KIAA1549L: variants seen among roughly 807,000 people sequenced by gnomAD.
The protein encoded by KIAA1549L is KIAA1549 like, also known as UPF0606 protein KIAA1549L.
A neutral mutation model predicts 160.7 loss-of-function variants in KIAA1549L; 88 were observed. That is an observed-to-expected ratio of 0.55 (90% confidence interval 0.46 to 0.65). The LOEUF is 0.65. Among genes scored for constraint, KIAA1549L ranks in the 30% least tolerant of loss-of-function variants. KIAA1549L has a pLI of 0.00. For missense variants in KIAA1549L, 2,258 were observed against 2,437.5 expected (o/e 0.93, Z 1.55); for synonymous variants, 950 against 976.7 (o/e 0.97, Z 0.51).
intron 1 of KIAA1549L, among the ~76,000 whole-genome samples, chr11:33,460,895 G>A (rs1851927989): frequency 6.6e-6 from 1 of 152,284 alleles, no homozygotes; most frequent in Admixed American, 6.5e-5. Context: ...TTTATAAGCT[G>A]AGCAAAACGT....
intron 16 of KIAA1549L, among the ~76,000 whole-genome samples, chr11:33,628,900 G>A (rs1203690494): frequency 6.6e-6 from 1 of 151,678 alleles, no homozygotes; most frequent in African/African-American, 2.4e-5. Flanking sequence ...TTACATTTTG[G>A]CATGATTTTG....
At chr11:33,396,306 G>C (rs1277975566) in intron 1 of KIAA1549L, among the ~76,000 whole-genome samples, 1 of 152,176 alleles carries the variant, frequency 6.6e-6, no homozygotes, top group African/African-American at 2.4e-5. Flanking sequence ...GATGCTGCCT[G>C]AATCCCTTTT....
chr11:33,499,667 A>G (rs1852899820), intron 1 of KIAA1549L, among the ~76,000 whole-genome samples: 1 of 152,058 alleles, frequency 6.6e-6, no homozygotes, highest in Non-Finnish European at 1.5e-5. Flanking sequence ...GAATTATCTC[A>G]CTTCCACGTC....
intron 1 of KIAA1549L, among the ~76,000 whole-genome samples, chr11:33,506,252 A>G (rs1328520867): frequency 6.6e-6 from 1 of 152,112 alleles, no homozygotes; most frequent in East Asian, 1.9e-4. Context: ...TTTAATGGGG[A>G]GGGGATGCCC....
At chr11:33,589,581 A>C (rs986753753) in intron 11 of KIAA1549L, among the ~76,000 whole-genome samples, 1 of 152,236 alleles carries the variant, frequency 6.6e-6, no homozygotes, top group African/African-American at 2.4e-5. Context: ...CTATGCAGCC[A>C]TAAAAAATGA....
Position 33,551,215 on chromosome 11 carries a change from C to T in KIAA1549L, c.3677C>T (p.Ser1226Phe), listed in dbSNP as rs141097183. 6.2e-6 allele frequency: 10 copies of T among 1,613,768 alleles called. No individual in the cohort carries two copies. Among genetic ancestry groups the T allele is most frequent in the Non-Finnish European group, 7.6e-6 (9 of 1,179,876 alleles). The change falls in exon 5 of 21, where the codon TCC (serine) becomes TTC (phenylalanine). Residue 1226 changes from serine to phenylalanine, a missense_variant. By Grantham distance (155) the Ser-to-Phe change is radical. Coordinates refer to ENST00000658780, the MANE Select transcript of KIAA1549L (RefSeq NM_012194.3). ...TTACAGTCTGTGGCAGTACTTGCCT[C>T]CCCATGGAATCCCCAGCCTGCAGGC... ...PHLQSVAVLA[S>F]PWNPQPAGYF...
In KIAA1549L at chr11:33,543,594, T is replaced by C; in HGVS notation, c.2031T>C (p.Asp677=). Residue 677 remains aspartate (D), a synonymous_variant, in exon 2 of 21, where the codon GAT becomes GAC. Coordinates refer to ENST00000658780, the MANE Select transcript of KIAA1549L (RefSeq NM_012194.3). The part of the protein sequence containing the change: ...KQVRASPSSM[D]VYDSLTIGDM... ...TGAGAGCATCGCCCTCCTCCATGGA[T>C]GTATATGATTCCTTAACAATAGGAG... 6.2e-7 allele frequency: 1 copy of C among 1,614,030 alleles called. No homozygotes were observed. Among genetic ancestry groups the C allele is most frequent in the Middle Eastern group, 1.6e-4 (1 of 6,062 alleles).
chr11:33,557,163 A>AT (rs1278933811), intron 6 of KIAA1549L, among the ~76,000 whole-genome samples: 2 of 151,632 alleles, frequency 1.3e-5, no homozygotes, highest in Non-Finnish European at 2.9e-5. Flanking sequence ...ATTTTTTTCT[A>AT]TTTTTTGTAG....
chr11:33,472,430 T>C (rs1311759140), intron 1 of KIAA1549L, among the ~76,000 whole-genome samples: 1 of 152,060 alleles, frequency 6.6e-6, no homozygotes, highest in Non-Finnish European at 1.5e-5. Flanking sequence ...CCTCTTCCTT[T>C]TAAGGACACT....
intron 1 of KIAA1549L, among the ~76,000 whole-genome samples, chr11:33,418,870 A>T (rs1850941253): frequency 6.9e-6 from 1 of 144,058 alleles, no homozygotes; most frequent in Admixed American, 6.8e-5. Flanking sequence ...TTATGTCAGT[A>T]TGTTGCATTC....
In KIAA1549L at chr11:33,543,974, CA is replaced by C; in HGVS notation, c.2413del (p.Ser805AlafsTer42). 6.2e-7 allele frequency: 1 copy of C among 1,614,012 alleles called. No individual in the cohort carries two copies. Among genetic ancestry groups the C allele is most frequent in the East Asian group, 2.2e-5 (1 of 44,888 alleles). On this transcript the variant is annotated frameshift_variant, in exon 2 of 21. Transcript: ENST00000658780. LOFTEE classifies it high-confidence loss of function. ...GGAAGCCATATAGACCTCTGGCCCACAAGCAATAACAACCATTCCAGAGACT... is the reference window on the plus strand; with the variant it reads ...GGAAGCCATATAGACCTCTGGCCCACAGCAATAACAACCATTCCAGAGACT... ...MVGSHIDLWP[T>X]SNNNHSRDFQ...
intron 17 of KIAA1549L, 85 bp downstream of exon 17, chr11:33,646,121 A>G (rs1256310586): frequency 9.6e-7 from 1 of 1,039,774 alleles, no homozygotes; most frequent in African/African-American, 1.6e-5. Flanking sequence ...AGGGGCTTCT[A>G]CAGATAAAAA....
At chr11:33,416,965 G>T (rs190718830) in intron 1 of KIAA1549L, among the ~76,000 whole-genome samples, 10 of 152,224 alleles carry the variant, frequency 6.6e-5, no homozygotes, top group African/African-American at 2.4e-4. Context: ...TGACATTAGA[G>T]GGGTCACAGA....
chr11:33,641,668 ACTGT>A (rs1345816072), intron 16 of KIAA1549L, among the ~76,000 whole-genome samples: 1 of 140,198 alleles, frequency 7.1e-6, no homozygotes, highest in Non-Finnish European at 1.6e-5. Context: ...ACGGAATCAA[ACTGT>A]CTGTGTTCAA....
intron 1 of KIAA1549L, among the ~76,000 whole-genome samples, chr11:33,503,563 A>G (rs1171891264): frequency 6.6e-6 from 1 of 152,210 alleles, no homozygotes; most frequent in East Asian, 1.9e-4. Context: ...TTTACAAAGG[A>G]ATTTACCTCA....
intron 1 of KIAA1549L, among the ~76,000 whole-genome samples, chr11:33,396,966 T>A (rs1411889611): frequency 1.4e-5 from 2 of 144,996 alleles, no homozygotes; most frequent in African/African-American, 5.0e-5. Context: ...AAAAAAAAAA[T>A]TCCAAAAATG....
intron 1 of KIAA1549L, among the ~76,000 whole-genome samples, chr11:33,513,472 C>T (rs1278520548): frequency 1.3e-5 from 2 of 152,176 alleles, no homozygotes; most frequent in Non-Finnish European, 2.9e-5. Flanking sequence ...GGGAGAACAA[C>T]CATTCAGTCC....
At chr11:33,634,457 C>T (rs936308927) in intron 16 of KIAA1549L, among the ~76,000 whole-genome samples, 5 of 152,186 alleles carry the variant, frequency 3.3e-5, no homozygotes, top group Non-Finnish European at 7.3e-5. Context: ...GGCCACACTT[C>T]CAGAGATGAC....
chr11:33,525,829 G>T (rs550335550), intron 1 of KIAA1549L, among the ~76,000 whole-genome samples: 1 of 152,056 alleles, frequency 6.6e-6, no homozygotes, highest in African/African-American at 2.4e-5. Context: ...GCTGGGTGAG[G>T]CCTGTCACTG....
Sources: gnomAD v4.1 joint callset for allele counts (sites outside exome capture counted in the v4.1 genomes callset) on GRCh38, gnomAD v4.1.1 for gene constraint, MANE v1.5 for transcripts, NCBI Gene and HGNC (gene_info 2026-07-23, HGNC 2026-07-21) for gene names.